Variants in CAST observed in about 807,000 individuals in gnomAD.
The protein encoded by CAST is MIR583 host.
In CAST, 76 loss-of-function variants were observed where a neutral mutation model predicts 119.6. That is an observed-to-expected ratio of 0.64 (90% CI 0.53 to 0.77). The LOEUF (loss-of-function observed/expected upper bound fraction) is 0.77. CAST is among the 30% of genes least tolerant of loss of function. The pLI is 0.00. For missense variants in CAST, 953 were observed against 946.5 expected, an observed-to-expected ratio of 1.01 and a Z score of -0.09; for synonymous variants, 319 against 331.6, an observed-to-expected ratio of 0.96 and a Z score of 0.41.
the CAST span, among the ~76,000 whole-genome samples, chr5:96,035,075 A>ATATATATATTTAAG: frequency 8.4e-5 from 12 of 143,126 alleles, no homozygotes; most frequent in African/African-American, 3.1e-4. Context: ...TTAAGTATAT[A>ATATATATATTTAAG]TATATATATA....
the CAST span, among the ~76,000 whole-genome samples, chr5:96,100,878 G>A: frequency 0.032 from 4,798 of 151,950 alleles, 206 homozygotes; most frequent in African/African-American, 0.1. Flanking sequence ...TATATATTAT[G>A]TACAACATAT....
the CAST span, among the ~76,000 whole-genome samples, chr5:96,070,737 T>C: frequency 1.1e-4 from 16 of 152,304 alleles, no homozygotes; most frequent in African/African-American, 3.8e-4. Context: ...AAATTTGGGT[T>C]CTAGGCTTAA....
At chr5:96,189,117 TC>T in the CAST span, among the ~76,000 whole-genome samples, 3 of 152,212 alleles carry the variant, frequency 2.0e-5, no homozygotes, top group Admixed American at 1.3e-4. Context: ...GGATGTTGCT[TC>T]TATGTCTGCT....
At chr5:96,227,287 T>C in the CAST span, among the ~76,000 whole-genome samples, 3 of 152,222 alleles carry the variant, frequency 2.0e-5, no homozygotes, top group African/African-American at 4.8e-5. Flanking sequence ...TTGGATTTTT[T>C]TAAAAGAAGA....
intron 1 of CAST, among the ~76,000 whole-genome samples, chr5:96,604,701 T>G (rs529046031): frequency 6.6e-6 from 1 of 152,310 alleles, no homozygotes; most frequent in East Asian, 1.9e-4. Flanking sequence ...AACAGAAATT[T>G]GGGGCTGATG....
rs1189100090 is a variant in CAST at position 96,561,786 on chromosome 5, G to GGTTT, written c.60+31906_60+31907insGTTT. On this transcript the variant is annotated intron_variant, in intron 1 of 11. Coordinates refer to the CAST transcript ENST00000505143. Reference sequence around the variant, plus strand: ...ATGTATATATGTGTATTATATATATGTTTTTTTTTGTTTTTTTTTTTTTTG... The same window carrying GGTTT: ...ATGTATATATGTGTATTATATATATGGTTTTTTTTTTTTGTTTTTTTTTTTTTTG... Among the ~76,000 whole-genome samples, 95 of 105,418 alleles carry GGTTT rather than the reference G, an allele frequency of 9.0e-4. 4 individuals carry two copies. Among genetic ancestry groups the GGTTT allele is most frequent in the East Asian group, 1.1e-3 (4 of 3,596 alleles). 69.2% of individuals were successfully genotyped at this position (105,418 alleles called of 152,430 possible).
At chr5:96,267,145 T>A in the CAST span, among the ~76,000 whole-genome samples, 1 of 151,866 alleles carries the variant, frequency 6.6e-6, no homozygotes, top group Non-Finnish European at 1.5e-5. Context: ...TAAAAAAGAA[T>A]GCAAAGGAAT....
At chr5:95,975,921 G>A in the CAST span, among the ~76,000 whole-genome samples, 1 of 152,062 alleles carries the variant, frequency 6.6e-6, no homozygotes, top group Non-Finnish European at 1.5e-5. Flanking sequence ...ATAGCCAGGG[G>A]GAGTCAAATC....
chr5:96,646,362 A>G (rs2150204199), intron 1 of CAST, among the ~76,000 whole-genome samples: 2 of 152,298 alleles, frequency 1.3e-5, no homozygotes, highest in South Asian at 4.1e-4. Context: ...AAAAACTGAA[A>G]CCAGCTAAGT....
At chr5:96,334,381 C>T in the CAST span, among the ~76,000 whole-genome samples, 1 of 152,172 alleles carries the variant, frequency 6.6e-6, no homozygotes, top group Non-Finnish European at 1.5e-5. Flanking sequence ...CCTAAGCCCA[C>T]CCACCCACCT....
intron 1 of CAST, among the ~76,000 whole-genome samples, chr5:96,626,422 C>T (rs1322397894): frequency 3.3e-5 from 5 of 152,230 alleles, no homozygotes; most frequent in African/African-American, 1.2e-4. Flanking sequence ...ACACAGGCCT[C>T]TTGGTCTGGA....
rs144083834 is a variant in CAST at position 96,740,434 on chromosome 5, C to G, written c.880-311C>G. On this transcript the variant is annotated intron_variant, in intron 12 of 31. Transcript: ENST00000675179. ...GGCCTATTCTTGGCTTATAGATGGC[C>G]GTCTTCTTCCCGTGTCTCTACACAC... is the stretch of plus-strand genomic sequence containing the variant. Among the ~76,000 whole-genome samples the G allele has an allele frequency of 1.2e-3, 188 of 151,814 alleles. 1 individual carries two copies. The highest frequency in any genetic ancestry group is 4.4e-3 in the African/African-American group (183 of 41,370).
chr5:96,287,742 C>CA, the CAST span, among the ~76,000 whole-genome samples: 3 of 152,040 alleles, frequency 2.0e-5, no homozygotes, highest in African/African-American at 7.2e-5. Context: ...GGTAGTGGCA[C>CA]ATTTCTCAGG....
At chr5:96,452,677 G>A in the CAST span, among the ~76,000 whole-genome samples, 3,127 of 141,224 alleles carry the variant, frequency 0.022, 123 homozygotes, top group African/African-American at 0.077. Flanking sequence ...GAGGCCGGGC[G>A]CGGTGGCTCA....
chr5:96,562,870 C>T (rs1444055814), intron 1 of CAST, among the ~76,000 whole-genome samples: 1 of 152,106 alleles, frequency 6.6e-6, no homozygotes, highest in Non-Finnish European at 1.5e-5. Context: ...TGATATACTA[C>T]CCCAAAATAT....
the CAST span, among the ~76,000 whole-genome samples, chr5:96,458,912 G>A: frequency 3.3e-5 from 5 of 151,948 alleles, no homozygotes; most frequent in Non-Finnish European, 7.4e-5. Flanking sequence ...GACAGTTTTC[G>A]GCATTCAGCA....
chr5:96,220,907 TAGTC>T, the CAST span, among the ~76,000 whole-genome samples: 1 of 152,188 alleles, frequency 6.6e-6, no homozygotes, highest in Admixed American at 6.5e-5. Context: ...GGTATGATAT[TAGTC>T]AGAGAAGGAA....
intron 2 of CAST, 86 bp from the exon 3 acceptor site, chr5:96,695,750 A>G: frequency 3.7e-6 from 3 of 804,770 alleles, no homozygotes; most frequent in Non-Finnish European, 4.0e-6. Flanking sequence ...TGCTTGAGAA[A>G]ATATTTGTAT....
chr5:96,595,484 C>A lies in CAST; in HGVS notation c.60+65604C>A, dbSNP rs374492314. 2.5e-4 allele frequency among the ~76,000 whole-genome samples: 38 copies of A among 152,252 alleles called. No homozygotes were observed. In the East Asian group the frequency reaches 6.6e-3, roughly 26 times the overall value. On this transcript the variant is annotated intron_variant, in intron 1 of 11. Coordinates refer to the CAST transcript ENST00000505143. Reference sequence around the variant, plus strand: ...GGGCCACCGAAGGGGAAGACAGGACCCCAGTCATGGAGGGAAGTGGGGTCA... The same window carrying A: ...GGGCCACCGAAGGGGAAGACAGGACACCAGTCATGGAGGGAAGTGGGGTCA...
Sources: allele counts gnomAD v4.1 joint callset (sites outside exome capture counted in the v4.1 genomes callset), GRCh38; gene constraint gnomAD v4.1.1; transcripts MANE v1.5; gene names NCBI Gene and HGNC (gene_info 2026-07-23, HGNC 2026-07-21).